The following PDE1C variants were observed in gnomAD, a reference collection of about 807,000 sequenced individuals.
PDE1C encodes the protein phosphodiesterase 1C.
A neutral mutation model predicts 93.1 loss-of-function variants in PDE1C; 62 were observed. The observed-to-expected ratio is 0.67, with a 90% CI of 0.54 to 0.82. The LOEUF is 0.82. Among genes scored for constraint, PDE1C ranks in the 40% least tolerant of loss-of-function variants. PDE1C has a pLI of 0.00. For synonymous variants in PDE1C, 325 were observed against 310.1 expected, an observed-to-expected ratio of 1.05 and a Z score of -0.50; for missense variants, 742 against 884.6, an observed-to-expected ratio of 0.84 and a Z score of 2.04.
At chr7:32,016,901 C>A (rs189972690) in intron 2 of PDE1C, among the ~76,000 whole-genome samples, 1 of 152,260 alleles carries the variant, frequency 6.6e-6, no homozygotes, top group East Asian at 1.9e-4. Flanking sequence ...AAGACACAGT[C>A]AGGCACAGCA....
chr7:32,031,539 G>C (rs1584522317), intron 2 of PDE1C, among the ~76,000 whole-genome samples: 1 of 152,258 alleles, frequency 6.6e-6, no homozygotes, highest in Non-Finnish European at 1.5e-5. Flanking sequence ...TTAACAGCCA[G>C]TTCCTTTTTT....
intron 17 of PDE1C, among the ~76,000 whole-genome samples, chr7:31,760,358 C>G (rs1794752385): frequency 6.6e-6 from 1 of 152,012 alleles, no homozygotes; most frequent in Non-Finnish European, 1.5e-5. Flanking sequence ...CCCAGTATAC[C>G]CTGTTGTTTT....
intron 2 of PDE1C, among the ~76,000 whole-genome samples, chr7:32,193,906 G>GTT (rs2128823131): frequency 1.7e-5 from 2 of 119,742 alleles, no homozygotes; most frequent in South Asian, 3.0e-4. Flanking sequence ...TTTTTTTTTG[G>GTT]TTTTGTTTTG....
intron 1 of PDE1C, among the ~76,000 whole-genome samples, chr7:32,319,807 G>A (rs1015528517): frequency 6.6e-6 from 1 of 152,206 alleles, no homozygotes; most frequent in Admixed American, 6.5e-5. Context: ...AAGTGAAATT[G>A]CTCCTACAGA....
At chr7:31,964,093 A>G (rs1485016554) in intron 2 of PDE1C, among the ~76,000 whole-genome samples, 1 of 152,184 alleles carries the variant, frequency 6.6e-6, no homozygotes, top group Non-Finnish European at 1.5e-5. Context: ...CTCACTGGGG[A>G]GTGCCAGAAA....
chr7:31,813,179 C>CT (rs1249740895), intron 15 of PDE1C, among the ~76,000 whole-genome samples: 1 of 152,052 alleles, frequency 6.6e-6, no homozygotes, highest in African/African-American at 2.4e-5. Flanking sequence ...AGAAACACAC[C>CT]TTGCCTTTCT....
intron 3 of PDE1C, among the ~76,000 whole-genome samples, chr7:32,169,078 C>A (rs1382063610): frequency 2.0e-5 from 3 of 152,028 alleles, no homozygotes. Context: ...ATTTCTGATA[C>A]CAGTAGTACT....
chr7:31,657,366 G>C, the PDE1C span, among the ~76,000 whole-genome samples: 24 of 152,142 alleles, frequency 1.6e-4, no homozygotes, highest in African/African-American at 5.8e-4. Flanking sequence ...TTCTGTCTGC[G>C]TTATACATTG....
At chr7:32,093,841 T>A (rs1358466165) in intron 3 of PDE1C, among the ~76,000 whole-genome samples, 2 of 152,208 alleles carry the variant, frequency 1.3e-5, no homozygotes, top group African/African-American at 4.8e-5. Context: ...TCTGGGACAG[T>A]GCTGGCAAGG....
At chr7:32,341,174 T>TATTTTTTATTTTTTTA (rs72495478) in intron 1 of PDE1C, among the ~76,000 whole-genome samples, 1 of 17,122 alleles carries the variant, frequency 5.8e-5, no homozygotes, top group African/African-American at 9.6e-5. Context: ...AAATAAAGTC[T>TATTTTTTATTTTTTTA]TTTTTTTTTT....
chr7:32,067,768 C>G (rs906279548), intron 1 of PDE1C, among the ~76,000 whole-genome samples: 1 of 152,108 alleles, frequency 6.6e-6, no homozygotes, highest in African/African-American at 2.4e-5. Flanking sequence ...ATTGTGTTGA[C>G]AGGTCTCACG....
intron 2 of PDE1C, among the ~76,000 whole-genome samples, chr7:31,987,300 T>TG (rs767715130): frequency 7.2e-5 from 11 of 152,180 alleles, no homozygotes; most frequent in Non-Finnish European, 1.3e-4. Flanking sequence ...AACAGAGAGA[T>TG]GCAAATGTGA....
At chr7:32,079,400 T>C (rs912274354) in intron 3 of PDE1C, among the ~76,000 whole-genome samples, 3 of 152,194 alleles carry the variant, frequency 2.0e-5, no homozygotes, top group Non-Finnish European at 4.4e-5. Context: ...AGGAATATGA[T>C]TTATTTATAA....
intron 2 of PDE1C, among the ~76,000 whole-genome samples, chr7:31,998,232 G>A (rs1164135046): frequency 1.3e-5 from 2 of 152,034 alleles, no homozygotes; most frequent in Non-Finnish European, 2.9e-5. Context: ...TGTTAGCCAG[G>A]ATGGTCTCGA....
chr7:32,237,742 G>GTATATATATATATATATATATA lies in PDE1C; in HGVS notation c.86-28204_86-28203insTATATATATATATATATATATA, dbSNP rs372356671. On this transcript the variant is annotated intron_variant, in intron 1 of 18. Coordinates refer to the PDE1C transcript ENST00000396193. ...AGCCACTATCCGCACTTGGCTCTGT[G>GTATATATATATATATATATATA]TATATATATATATATATATACTTTT... Among the ~76,000 whole-genome samples, 71 of 31,182 alleles carry GTATATATATATATATATATATA rather than the reference G, an allele frequency of 2.3e-3. 1 individual carries two copies. The highest frequency in any genetic ancestry group is 3.1e-3 in the Non-Finnish European group (52 of 16,672). 20.5% of individuals were successfully genotyped at this position (31,182 alleles called of 152,430 possible).
the PDE1C span, among the ~76,000 whole-genome samples, chr7:31,690,756 C>T: frequency 3.3e-5 from 5 of 152,114 alleles, no homozygotes; most frequent in African/African-American, 1.2e-4. Flanking sequence ...GCAGATAGGA[C>T]CTTCAGTAGA....
intron 2 of PDE1C, among the ~76,000 whole-genome samples, chr7:31,894,951 CT>C (rs1463311251): frequency 6.6e-6 from 1 of 152,176 alleles, no homozygotes; most frequent in Non-Finnish European, 1.5e-5. Context: ...GAATGGATAG[CT>C]GGGGAATTTA....
At chr7:31,969,045 C>T (rs924626024) in intron 2 of PDE1C, among the ~76,000 whole-genome samples, 9 of 152,232 alleles carry the variant, frequency 5.9e-5, no homozygotes, top group Middle Eastern at 3.4e-3. Flanking sequence ...AAAACCTAGG[C>T]AATACCATTC....
rs888185441 is a variant in PDE1C at position 32,064,797 on chromosome 7, A to C, written c.101+5496T>G. 2.0e-5 allele frequency among the ~76,000 whole-genome samples: 3 copies of C among 152,300 alleles called. No individual in the cohort carries two copies. The South Asian group carries it at 6.2e-4, about 32-fold the overall frequency. On this transcript the variant is annotated intron_variant, in intron 1 of 17. Transcript: ENST00000396191. ...TCACCTCCTCAAACTATGAGCATAC[A>C]TAATTTTGAGTAAAACAAAAAGTAA...
Sources: gnomAD v4.1 joint callset for allele counts (sites outside exome capture counted in the v4.1 genomes callset) on GRCh38, gnomAD v4.1.1 for gene constraint, MANE v1.5 for transcripts, NCBI Gene and HGNC (gene_info 2026-07-23, HGNC 2026-07-21) for gene names.